Variants in SPIDR observed in about 807,000 individuals in gnomAD.
SPIDR encodes scaffold protein involved in DNA repair.
Under a neutral mutation model 104.6 loss-of-function variants are expected in SPIDR, and 93 were observed. The observed-to-expected ratio is 0.89, with a 90% CI of 0.75 to 1.06. The LOEUF (loss-of-function observed/expected upper bound fraction) is 1.06, where lower values mean the gene tolerates loss of function less well. Ranked by LOEUF, SPIDR falls within the 50% of genes least tolerant of loss-of-function variation. The pLI is 0.00. For synonymous variants in SPIDR, 431 were observed against 416.9 expected (o/e 1.03, Z -0.41); for missense variants, 1,154 against 1,111.2 (o/e 1.04, Z -0.55).
At chr8:47,666,452 T>G (rs2074947284) in intron 10 of SPIDR, among the ~76,000 whole-genome samples, 1 of 152,236 alleles carries the variant, frequency 6.6e-6, no homozygotes, top group Admixed American at 6.5e-5. Flanking sequence ...AGGCTGGTAT[T>G]TCCCCACTTT....
chr8:47,310,242 A>G (rs111676202), intron 5 of SPIDR, among the ~76,000 whole-genome samples: 4,652 of 148,780 alleles, frequency 0.031, 199 homozygotes, highest in African/African-American at 0.1. Context: ...GCTGAGGCAG[A>G]AGAATGGTGT....
chr8:47,625,086 C>T (rs1410815388), intron 10 of SPIDR, among the ~76,000 whole-genome samples: 2 of 152,128 alleles, frequency 1.3e-5, no homozygotes, highest in African/African-American at 2.4e-5. Flanking sequence ...GTTCAACATA[C>T]ACAAATCAAT....
At chr8:47,401,649 A>G (rs1343223196) in intron 6 of SPIDR, among the ~76,000 whole-genome samples, 1 of 152,216 alleles carries the variant, frequency 6.6e-6, no homozygotes, top group East Asian at 1.9e-4. Flanking sequence ...TCTACCAAGC[A>G]AATGGAAAAC....
chr8:47,396,685 A>G, intron 6 of SPIDR, 59 bp downstream of exon 6: 1 of 1,463,772 alleles, frequency 6.8e-7, no homozygotes. Flanking sequence ...TAAAAACCCA[A>G]ATATCTAAAA....
chr8:47,406,628 T>G (rs2062793984), intron 6 of SPIDR, among the ~76,000 whole-genome samples: 1 of 152,198 alleles, frequency 6.6e-6, no homozygotes, highest in Non-Finnish European at 1.5e-5. Context: ...ACTAGCAATA[T>G]TATGTATTTA....
chr8:47,665,473 G>A (rs2074780813), intron 10 of SPIDR, among the ~76,000 whole-genome samples: 1 of 151,966 alleles, frequency 6.6e-6, no homozygotes, highest in African/African-American at 2.4e-5. Flanking sequence ...CTTTTTACTT[G>A]TTTGGACTAG....
intron 11 of SPIDR, among the ~76,000 whole-genome samples, chr8:47,675,414 G>C (rs1489609634): frequency 6.6e-6 from 1 of 152,160 alleles, no homozygotes; most frequent in East Asian, 1.9e-4. Flanking sequence ...TATGTATTTG[G>C]GGAATGCAGT....
chr8:47,703,377 C>T (rs1350594203), intron 14 of SPIDR, among the ~76,000 whole-genome samples: 1 of 152,156 alleles, frequency 6.6e-6, no homozygotes, highest in Non-Finnish European at 1.5e-5. Flanking sequence ...TGCATATATA[C>T]GAGTATCATT....
chr8:47,642,536 C>A (rs1375550772), intron 10 of SPIDR, among the ~76,000 whole-genome samples: 1 of 152,090 alleles, frequency 6.6e-6, no homozygotes, highest in Non-Finnish European at 1.5e-5. Context: ...TTCTTTGGGA[C>A]CTGTCATAAA....
At chr8:47,262,117 A>G (rs2032570928) in intron 1 of SPIDR, among the ~76,000 whole-genome samples, 1 of 152,182 alleles carries the variant, frequency 6.6e-6, no homozygotes, top group Non-Finnish European at 1.5e-5. Context: ...TGCTTTGGAC[A>G]ATGTCATACA....
intron 10 of SPIDR, among the ~76,000 whole-genome samples, chr8:47,660,025 G>A (rs990734388): frequency 2.0e-5 from 3 of 152,170 alleles, no homozygotes; most frequent in Non-Finnish European, 4.4e-5. Flanking sequence ...TCCTTCATTC[G>A]TGTAGCTATG....
chr8:47,668,621 A>G (rs1162651130), intron 10 of SPIDR, among the ~76,000 whole-genome samples: 1 of 151,928 alleles, frequency 6.6e-6, no homozygotes, highest in Non-Finnish European at 1.5e-5. Flanking sequence ...CTGGAACAAA[A>G]TAAGGATGCC....
intron 2 of SPIDR, among the ~76,000 whole-genome samples, chr8:47,283,655 A>G (rs1308333889): frequency 1.3e-5 from 2 of 152,224 alleles, no homozygotes; most frequent in Non-Finnish European, 2.9e-5. Flanking sequence ...TCTTTTGGCA[A>G]TGAGATATTC....
intron 10 of SPIDR, among the ~76,000 whole-genome samples, chr8:47,602,733 G>C (rs1002684351): frequency 6.6e-6 from 1 of 152,178 alleles, no homozygotes; most frequent in African/African-American, 2.4e-5. Context: ...AGCTCAATTA[G>C]TGCCAACCTC....
At chr8:47,421,548 G>T (rs781843838) in intron 7 of SPIDR, among the ~76,000 whole-genome samples, 1 of 152,106 alleles carries the variant, frequency 6.6e-6, no homozygotes, top group Admixed American at 6.6e-5. Context: ...CTTTGCCATG[G>T]GTTTGAACTT....
rs782612308 is a variant in SPIDR, at chr8:47,366,107, C to CA, written c.526-30268dup. ...AAACCAGGTGGTATAGGTCAGAGGACAGCAAGTAAGTTGCAGATGAGAGTG... is the reference window on the plus strand; with the variant it reads ...AAACCAGGTGGTATAGGTCAGAGGACAAGCAAGTAAGTTGCAGATGAGAGTG... On this transcript the variant is annotated intron_variant, in intron 5 of 19. Transcript: ENST00000297423. 2.0e-5 allele frequency among the ~76,000 whole-genome samples: 3 copies of CA among 152,156 alleles called. No individual in the cohort carries two copies. The South Asian group carries it at 6.2e-4, about 31-fold the overall frequency.
chr8:47,263,153 G>A (rs2032953446), intron 1 of SPIDR, among the ~76,000 whole-genome samples: 2 of 152,216 alleles, frequency 1.3e-5, no homozygotes, highest in Admixed American at 1.3e-4. Flanking sequence ...GCAGTTAAGG[G>A]AAGAAGCTAG....
chr8:47,563,038 T>TC lies in SPIDR; in HGVS notation c.1098-32773_1098-32772insC, dbSNP rs1491326869. On this transcript the variant is annotated intron_variant, in intron 8 of 19. Coordinates refer to ENST00000297423, the MANE Select transcript of SPIDR (RefSeq NM_001080394.4). ...AGAAACAGTACTTTACTCTTTTCTC[T>TC]TTTTTTTTTTTTTTTGTCAATGAAG... Among the ~76,000 whole-genome samples, 7 of 117,852 alleles carry TC rather than the reference T, an allele frequency of 5.9e-5. No homozygotes were observed. In the South Asian group the frequency reaches 9.8e-4, roughly 16 times the overall value. The allele number at this position is 117,852 out of a possible 152,430, so 77.3% of individuals were successfully genotyped here.
intron 5 of SPIDR, among the ~76,000 whole-genome samples, chr8:47,331,633 C>G (rs2048682296): frequency 6.6e-6 from 1 of 152,140 alleles, no homozygotes; most frequent in Non-Finnish European, 1.5e-5. Flanking sequence ...TAGGACATTA[C>G]CATACACTAC....
Sources: gnomAD v4.1 joint callset for allele counts (sites outside exome capture counted in the v4.1 genomes callset) on GRCh38, gnomAD v4.1.1 for gene constraint, MANE v1.5 for transcripts, NCBI Gene and HGNC (gene_info 2026-07-23, HGNC 2026-07-21) for gene names.